NRG4: variants seen among roughly 807,000 people sequenced by gnomAD.
NRG4 encodes the protein neuregulin 4, also known as pro-neuregulin-4, membrane-bound isoform.
Under a neutral mutation model 15.0 loss-of-function variants are expected in NRG4, and 10 were observed. That is an observed-to-expected ratio of 0.67 (90% confidence interval 0.41 to 1.13). The LOEUF (loss-of-function observed/expected upper bound fraction) is 1.13, where lower values mean the gene tolerates loss of function less well. Ranked by LOEUF, NRG4 falls within the 50% of genes most tolerant of loss-of-function variation. The pLI is 0.00. For synonymous variants in NRG4, 41 were observed against 50.1 expected (o/e 0.82, Z 0.77); for missense variants, 139 against 140.2 (o/e 0.99, Z 0.04).
At chr15:76,002,491 G>C (rs949502450) in intron 3 of NRG4, among the ~76,000 whole-genome samples, 5 of 152,220 alleles carry the variant, frequency 3.3e-5, no homozygotes, top group African/African-American at 1.2e-4. Context: ...CTTAAACCTA[G>C]CCATATCAGT....
chr15:75,971,767 C>A (rs941183044), intron 3 of NRG4, among the ~76,000 whole-genome samples: 3 of 152,000 alleles, frequency 2.0e-5, no homozygotes, highest in South Asian at 4.1e-4. Flanking sequence ...AACTAAGAAA[C>A]ATTTAAAAAA....
At chr15:75,992,534 G>A (rs1330106550) in intron 3 of NRG4, among the ~76,000 whole-genome samples, 1 of 151,808 alleles carries the variant, frequency 6.6e-6, no homozygotes, top group African/African-American at 2.4e-5. Context: ...ATCCATTTAA[G>A]GTATACAATT....
chr15:75,964,819 A>G (rs1001258344), intron 3 of NRG4, among the ~76,000 whole-genome samples: 6 of 152,080 alleles, frequency 3.9e-5, no homozygotes, highest in Non-Finnish European at 7.4e-5. Flanking sequence ...ACAACTACTC[A>G]GGAGGCTGAG....
chr15:76,024,507 GT>G (rs1236013859), intron 5 of NRG4, among the ~76,000 whole-genome samples: 2 of 152,176 alleles, frequency 1.3e-5, no homozygotes, highest in African/African-American at 4.8e-5. Flanking sequence ...CTGAACAGCT[GT>G]GCACCCATGC....
intron 3 of NRG4, among the ~76,000 whole-genome samples, chr15:75,980,217 A>C (rs1352962289): frequency 2.6e-5 from 4 of 152,190 alleles, no homozygotes; most frequent in African/African-American, 7.2e-5. Context: ...AAAAGAAAGC[A>C]TGTCAAGGAA....
intron 5 of NRG4, among the ~76,000 whole-genome samples, chr15:76,026,906 A>ACAT (rs1407135922): frequency 1.3e-5 from 2 of 152,102 alleles, no homozygotes; most frequent in Admixed American, 1.3e-4. Context: ...GTGGATCATG[A>ACAT]GGTCAGGAGA....
intron 3 of NRG4, among the ~76,000 whole-genome samples, chr15:75,963,502 G>A (rs749421312): frequency 2.6e-4 from 40 of 151,904 alleles, no homozygotes; most frequent in Admixed American, 1.3e-4. Flanking sequence ...AAATTAGGCC[G>A]GGCATGGTGG....
chr15:76,037,299 CTT>C (rs1030359246), intron 4 of NRG4, among the ~76,000 whole-genome samples: 22 of 152,136 alleles, frequency 1.4e-4, no homozygotes, highest in African/African-American at 5.3e-4. Flanking sequence ...GAAAGAGAAA[CTT>C]AGAGTAGGAA....
chr15:76,059,951 C>A (rs2036259370), upstream of NRG4: 1 of 149,194 alleles, frequency 6.7e-6, no homozygotes, highest in Admixed American at 6.6e-5. Flanking sequence ...GAGAGGGGAG[C>A]CCCGGGAGCG....
chr15:75,973,054 TG>T (rs936643947), intron 3 of NRG4, among the ~76,000 whole-genome samples: 6 of 152,192 alleles, frequency 3.9e-5, no homozygotes, highest in African/African-American at 1.4e-4. Context: ...CCTTGAGCAG[TG>T]TTTTGTAGTA....
intron 3 of NRG4, among the ~76,000 whole-genome samples, chr15:75,995,182 A>G (rs2034167189): frequency 6.6e-6 from 1 of 151,464 alleles, no homozygotes; most frequent in African/African-American, 2.4e-5. Flanking sequence ...CTCACTCCAG[A>G]GTGAGACCCT....
At chr15:76,008,823 A>T (rs1025483753) in intron 3 of NRG4, among the ~76,000 whole-genome samples, 1 of 152,212 alleles carries the variant, frequency 6.6e-6, no homozygotes, top group Non-Finnish European at 1.5e-5. Context: ...TAAAAACTCA[A>T]AATAAAATAT....
At chr15:75,969,437 C>G (rs1199527139) in intron 3 of NRG4, among the ~76,000 whole-genome samples, 1 of 152,158 alleles carries the variant, frequency 6.6e-6, no homozygotes, top group East Asian at 1.9e-4. Context: ...CAGTATGCAG[C>G]AATAAGAAGA....
chr15:76,014,395 G>A (rs541044498), upstream of NRG4, among the ~76,000 whole-genome samples: 3 of 152,302 alleles, frequency 2.0e-5, no homozygotes, highest in Admixed American at 2.0e-4. Flanking sequence ...TGCTTTTGGT[G>A]TTTTAGTCAC....
downstream of NRG4, chr15:75,940,551 G>C (rs2030842923): frequency 6.6e-6 from 1 of 150,968 alleles, no homozygotes; most frequent in Non-Finnish European, 1.5e-5. Flanking sequence ...TGAGAAAGAA[G>C]AACAAATTGG....
downstream of NRG4, chr15:75,938,166 C>G (rs1396700672): frequency 2.0e-5 from 3 of 152,050 alleles, no homozygotes; most frequent in African/African-American, 7.2e-5. Flanking sequence ...GAATTTATGT[C>G]AAAATAGCTG....
At chr15:75,935,621 A>G (rs527977166), downstream of NRG4, 6 of 150,304 alleles carry the variant, frequency 4.0e-5, no homozygotes, top group Non-Finnish European at 7.4e-5. Context: ...AAAGTGGGCA[A>G]TCTAGTAGGC....
At chr15:76,018,793 G>T (rs1220141669) in intron 5 of NRG4, among the ~76,000 whole-genome samples, 1 of 152,182 alleles carries the variant, frequency 6.6e-6, no homozygotes, top group African/African-American at 2.4e-5. Context: ...CTCCCCGTCA[G>T]GAGACACAGG....
chr15:76,007,672 G>A (rs999936784), intron 3 of NRG4, among the ~76,000 whole-genome samples: 15 of 151,988 alleles, frequency 9.9e-5, no homozygotes, highest in Non-Finnish European at 7.4e-5. Flanking sequence ...CCTGTGATCC[G>A]CCCACCTTGG....
Sources: allele counts gnomAD v4.1 joint callset (sites outside exome capture counted in the v4.1 genomes callset), GRCh38; gene constraint gnomAD v4.1.1; transcripts MANE v1.5; gene names NCBI Gene and HGNC (gene_info 2026-07-23, HGNC 2026-07-21).